The following UMAD1 variants were observed in gnomAD, a reference collection of about 807,000 sequenced individuals.
UMAD1 encodes the protein UBAP1-MVB12-associated (UMA) domain containing 1.
Under a neutral mutation model 6.1 loss-of-function variants are expected in UMAD1, and 8 were observed. The observed-to-expected ratio is 1.30, with a 90% CI of 0.76 to 2.35. The LOEUF (loss-of-function observed/expected upper bound fraction) is 2.35. Among genes scored for constraint, UMAD1 ranks in the 30% most tolerant of loss-of-function variants. The pLI is 0.00. For synonymous variants in UMAD1, 56 were observed against 31.4 expected, an observed-to-expected ratio of 1.78 and a Z score of -2.61; for missense variants, 130 against 78.4, an observed-to-expected ratio of 1.66 and a Z score of -2.49.
At chr7:7,719,746 G>T (rs1781006449) in intron 2 of UMAD1, among the ~76,000 whole-genome samples, 1 of 152,196 alleles carries the variant, frequency 6.6e-6, no homozygotes, top group Non-Finnish European at 1.5e-5. Flanking sequence ...GAAGAATAAT[G>T]TGGAAAGAAA....
intron 2 of UMAD1, among the ~76,000 whole-genome samples, chr7:7,801,456 G>A (rs1782797447): frequency 1.3e-5 from 2 of 152,134 alleles, no homozygotes; most frequent in South Asian, 4.1e-4. Flanking sequence ...ATACATTTAG[G>A]TTGTGTGTGT....
intron 2 of UMAD1, among the ~76,000 whole-genome samples, chr7:7,750,484 C>T (rs79404276): frequency 2.0e-5 from 3 of 152,190 alleles, no homozygotes; most frequent in African/African-American, 7.2e-5. Flanking sequence ...TAAAACTCCA[C>T]TCCAATTAGA....
intron 3 of UMAD1, among the ~76,000 whole-genome samples, chr7:7,841,135 ACT>A (rs1242816120): frequency 1.3e-5 from 2 of 152,134 alleles, no homozygotes; most frequent in Non-Finnish European, 2.9e-5. Context: ...TTCCCAAATT[ACT>A]TCGTGTGCAT....
intron 2 of UMAD1, among the ~76,000 whole-genome samples, chr7:7,757,062 T>G (rs1781793017): frequency 6.6e-6 from 1 of 152,242 alleles, no homozygotes; most frequent in South Asian, 2.1e-4. Flanking sequence ...CTTTGAGACA[T>G]GAGTTACTAC....
chr7:7,779,887 G>A (rs931378630), intron 2 of UMAD1, among the ~76,000 whole-genome samples: 18 of 152,108 alleles, frequency 1.2e-4, no homozygotes, highest in African/African-American at 1.9e-4. Context: ...CAAGCGATCC[G>A]CCAGCCTCTG....
chr7:7,759,069 T>C (rs959540003), intron 2 of UMAD1, among the ~76,000 whole-genome samples: 1 of 152,236 alleles, frequency 6.6e-6, no homozygotes, highest in Non-Finnish European at 1.5e-5. Flanking sequence ...TTATTTAAAC[T>C]GGATAGCTTG....
At chr7:7,646,371 G>A (rs139347243) in intron 1 of UMAD1, among the ~76,000 whole-genome samples, 63 of 151,800 alleles carry the variant, frequency 4.2e-4, no homozygotes, top group Non-Finnish European at 7.1e-4. Context: ...GGAGGGACCC[G>A]ATGAGAGATA....
At chr7:7,695,403 C>T (rs146263328) in intron 2 of UMAD1, among the ~76,000 whole-genome samples, 1 of 152,284 alleles carries the variant, frequency 6.6e-6, no homozygotes, top group Admixed American at 6.5e-5. Flanking sequence ...AATCTCCTAA[C>T]CTTGTCTTTC....
intron 3 of UMAD1, among the ~76,000 whole-genome samples, chr7:7,843,687 T>A (rs7784400): frequency 0.54 from 81,003 of 151,244 alleles, 21,886 homozygotes; most frequent in Middle Eastern, 0.65. Flanking sequence ...TAAAAAAGAG[T>A]TGTAACAAAA....
rs573128391 is a variant in UMAD1, at chr7:7,871,122, A to T, written c.157-6159A>T. 1.5e-4 allele frequency among the ~76,000 whole-genome samples: 23 copies of T among 152,282 alleles called. No homozygotes were observed. In the South Asian group the frequency reaches 4.8e-3, roughly 32 times the overall value. ...CTGGTAGATTCATTTCCAGGGATAA[A>T]TATATCTTAAACTAGAGTTGCTTTT... On this transcript the variant is annotated intron_variant, in intron 3 of 3. Coordinates refer to ENST00000682710, the MANE Select transcript of UMAD1 (RefSeq NM_001302348.2).
intron 2 of UMAD1, among the ~76,000 whole-genome samples, chr7:7,714,464 C>G (rs1039678046): frequency 2.6e-5 from 4 of 152,148 alleles, no homozygotes; most frequent in African/African-American, 9.7e-5. Flanking sequence ...GTACTTATAG[C>G]TACGAAACTT....
rs1367653772 is a variant in UMAD1, at chr7:7,878,266, C to T, written c.*728C>T. ...CAAAGAACTTTCCCTGCTTCTGCCT[C>T]GGTTGCCATTTGCTCTCCTTACCAC... On this transcript the variant is annotated 3_prime_UTR_variant, in exon 4 of 4. Coordinates refer to ENST00000682710, the MANE Select transcript of UMAD1 (RefSeq NM_001302348.2). 1.3e-5 allele frequency: 2 copies of T among 152,370 alleles called. No homozygotes were observed. The highest frequency in any genetic ancestry group is 4.8e-5 in the African/African-American group (2 of 41,436). 9.4% of individuals were successfully genotyped at this position (152,370 alleles called of 1,614,324 possible).
At position 7,871,673 on chromosome 7, in the gene UMAD1, A is replaced by G. The variant is rs1335020690; in HGVS notation, c.157-5608A>G. On this transcript the variant is annotated intron_variant, in intron 3 of 3. Coordinates refer to ENST00000682710, the MANE Select transcript of UMAD1 (RefSeq NM_001302348.2). ...TTTTGTCCCTCTTCACTCATTTTAC[A>G]TAATAGTGGGTTGAGGCTCAAATGG... is the stretch of plus-strand genomic sequence containing the variant. 2.0e-5 allele frequency among the ~76,000 whole-genome samples: 3 copies of G among 152,164 alleles called. No homozygotes were observed. In the East Asian group the frequency reaches 5.8e-4, roughly 29 times the overall value.
chr7:7,763,533 T>TC (rs1781931330), intron 2 of UMAD1, among the ~76,000 whole-genome samples: 1 of 152,180 alleles, frequency 6.6e-6, no homozygotes, highest in African/African-American at 2.4e-5. Flanking sequence ...ATTTTTCCAG[T>TC]CATTGGAGTA....
chr7:7,648,251 A>C (rs956557033), intron 1 of UMAD1, among the ~76,000 whole-genome samples: 1 of 152,198 alleles, frequency 6.6e-6, no homozygotes, highest in African/African-American at 2.4e-5. Context: ...CTAGCGTTTG[A>C]CAGATCATGA....
At chr7:7,750,216 A>G (rs1781652146) in intron 2 of UMAD1, among the ~76,000 whole-genome samples, 2 of 152,164 alleles carry the variant, frequency 1.3e-5, no homozygotes, top group Non-Finnish European at 2.9e-5. Flanking sequence ...GGTAGTATTT[A>G]TACCCATTTG....
chr7:7,830,925 A>T lies in UMAD1; in HGVS notation c.156+29182A>T, dbSNP rs1348288024. ...AAGCCAATCACCCAAACATTTCCTC[A>T]TGTGGCTACAAGAATATTTTTTAAT... On this transcript the variant is annotated intron_variant, in intron 3 of 3. Coordinates refer to ENST00000682710, the MANE Select transcript of UMAD1 (RefSeq NM_001302348.2). This position sits in a 1 kb window ranked among gnomAD's most constrained non-coding sequence, Gnocchi z 5.3. Among the ~76,000 whole-genome samples the T allele has an allele frequency of 6.6e-6, 1 of 152,256 alleles. No individual in the cohort carries two copies. The highest frequency in any genetic ancestry group is 1.9e-4 in the East Asian group (1 of 5,182).
rs532509316 is a variant in UMAD1 at position 7,820,925 on chromosome 7, T to G, written c.156+19182T>G. Among the ~76,000 whole-genome samples the G allele has an allele frequency of 7.9e-5, 12 of 152,342 alleles. No individual in the cohort carries two copies. In the East Asian group the frequency reaches 2.1e-3, roughly 27 times the overall value. ...GATAATTAGATCCTCAGAGAAAAAC[T>G]GAAACTCCTGAAGTTTGTTGCAGAA... On this transcript the variant is annotated intron_variant, in intron 3 of 3. Transcript: ENST00000682710.
intron 2 of UMAD1, among the ~76,000 whole-genome samples, chr7:7,726,509 C>T (rs888279926): frequency 2.0e-5 from 3 of 152,188 alleles, no homozygotes; most frequent in East Asian, 1.9e-4. Flanking sequence ...TCCAGAAGGC[C>T]GTGTATGCTC....
Sources: allele counts gnomAD v4.1 joint callset (sites outside exome capture counted in the v4.1 genomes callset), GRCh38; gene constraint gnomAD v4.1.1; non-coding constraint Gnocchi (gnomAD v3.1); transcripts MANE v1.5; gene names NCBI Gene and HGNC (gene_info 2026-07-23, HGNC 2026-07-21).